DPP6: variants seen among roughly 807,000 people sequenced by gnomAD.
DPP6 encodes A-type potassium channel modulatory protein DPP6.
In DPP6, 69 loss-of-function variants were observed where a neutral mutation model predicts 122.6. That is an observed-to-expected ratio of 0.56 (90% CI 0.46 to 0.69). DPP6 has a LOEUF of 0.69. DPP6 is among the 30% of genes least tolerant of loss of function. DPP6 has a pLI of 0.00. For synonymous variants in DPP6, 418 were observed against 433.1 expected (o/e 0.97, Z 0.43); for missense variants, 928 against 1,116.9 (o/e 0.83, Z 2.41).
At chr7:154,054,911 C>CT (rs966067794) in intron 1 of DPP6, among the ~76,000 whole-genome samples, 4 of 151,016 alleles carry the variant, frequency 2.6e-5, no homozygotes, top group African/African-American at 9.8e-5. Flanking sequence ...TGATCTCCAT[C>CT]TTTTTTTAAA....
chr7:154,623,552 AC>A (rs1163187042), intron 5 of DPP6, among the ~76,000 whole-genome samples: 1 of 150,230 alleles, frequency 6.7e-6, no homozygotes, highest in Non-Finnish European at 1.5e-5. Flanking sequence ...ACACACACGC[AC>A]ACACGCAACA....
At chr7:154,436,270 T>C (rs1818854485) in intron 1 of DPP6, among the ~76,000 whole-genome samples, 1 of 151,272 alleles carries the variant, frequency 6.6e-6, no homozygotes, top group Non-Finnish European at 1.5e-5. Context: ...TAGCCACACA[T>C]GCACCAGGTT....
At position 154,313,694 on chromosome 7, in the gene DPP6, TATATATATATATATATATATACAC is replaced by T. The variant is rs1296319494; in HGVS notation, c.244-132518_244-132495del. 1.6e-4 allele frequency among the ~76,000 whole-genome samples: 4 copies of T among 24,662 alleles called. 2 individuals carry two copies. Among genetic ancestry groups the T allele is most frequent in the African/African-American group, 7.6e-4 (4 of 5,242 alleles). The allele number at this position is 24,662 out of a possible 152,430, so 16.2% of individuals were successfully genotyped here. On this transcript the variant is annotated intron_variant, in intron 1 of 25. Transcript: ENST00000377770. ...GATATTTTAAGATATGGTATATATA[TATATATATATATATATATATACAC>T]ACACACGCACGCACACACACACACA...
intron 1 of DPP6, among the ~76,000 whole-genome samples, chr7:154,303,728 G>A (rs928123383): frequency 6.6e-6 from 1 of 152,054 alleles, no homozygotes; most frequent in Non-Finnish European, 1.5e-5. Flanking sequence ...ACCCCTGGCC[G>A]AACCATGCAA....
chr7:154,566,899 T>C lies in DPP6; in HGVS notation c.610T>C (p.Ser204Pro). The C allele has an allele frequency of 6.2e-7, 1 of 1,608,282 alleles. No homozygotes were observed. Among genetic ancestry groups the C allele is most frequent in the Non-Finnish European group, 8.5e-7 (1 of 1,175,786 alleles). Residue 204 changes from serine (S) to proline (P), a missense_variant, in exon 5 of 26, where the codon TCA becomes CCA. Transcript: ENST00000377770. The part of the protein sequence containing the change: ...ISPDREYALF[S>P]YNVEPIYQHS... ...TCCAGATAGAGAGTATGCACTTTTT[T>C]CATACAATGTGGAACCCGTGAGTAT...
chr7:153,831,241 A>G, the DPP6 span, among the ~76,000 whole-genome samples: 7,987 of 152,250 alleles, frequency 0.052, 662 homozygotes, highest in African/African-American at 0.18. Flanking sequence ...AACAGTGGCA[A>G]ACAAACTCCC....
At chr7:154,752,598 G>T (rs1351665993) in intron 8 of DPP6, among the ~76,000 whole-genome samples, 3 of 152,168 alleles carry the variant, frequency 2.0e-5, no homozygotes, top group African/African-American at 7.2e-5. Context: ...TAGGTACTAA[G>T]GAGGCCTCAC....
chr7:154,440,246 C>A (rs1310946599), intron 1 of DPP6, among the ~76,000 whole-genome samples: 1 of 152,202 alleles, frequency 6.6e-6, no homozygotes, highest in African/African-American at 2.4e-5. Context: ...TCTGAAAGGG[C>A]TGCTCAGCTG....
rs1806215164 is a variant in DPP6 at position 154,305,209 on chromosome 7, T to A, written c.244-141005T>A. On this transcript the variant is annotated intron_variant, in intron 1 of 25. Transcript: ENST00000377770. ...CCGCCACTTGCCGGTTGCTAAGCAG[T>A]TATCATTGTTTCTGTGGCGATTGCA... 5 of 1,132,410 alleles carry A rather than the reference T, an allele frequency of 4.4e-6. No homozygotes were observed. In the African/African-American group the frequency reaches 6.4e-5, roughly 15 times the overall value. 70.1% of individuals were successfully genotyped at this position (1,132,410 alleles called of 1,614,324 possible).
chr7:154,398,654 C>T (rs953476046), intron 1 of DPP6, among the ~76,000 whole-genome samples: 5 of 151,884 alleles, frequency 3.3e-5, no homozygotes, highest in African/African-American at 9.7e-5. Flanking sequence ...TTTCATTTTG[C>T]AAAGTGAAAC....
intron 3 of DPP6, among the ~76,000 whole-genome samples, chr7:154,517,759 T>C (rs1270194012): frequency 6.6e-6 from 1 of 152,144 alleles, no homozygotes; most frequent in Non-Finnish European, 1.5e-5. Flanking sequence ...ACAGCGGTGT[T>C]GTGTCCGGAA....
intron 5 of DPP6, among the ~76,000 whole-genome samples, chr7:154,576,623 G>C: frequency 6.6e-6 from 1 of 152,080 alleles, no homozygotes. Flanking sequence ...TGGAGGAGTG[G>C]GCCAGTTTGA....
chr7:154,296,744 C>T (rs983271976), intron 1 of DPP6, among the ~76,000 whole-genome samples: 3 of 152,232 alleles, frequency 2.0e-5, no homozygotes, highest in Non-Finnish European at 4.4e-5. Flanking sequence ...CATTTGAGTA[C>T]TAACTGTAAG....
At chr7:154,492,009 A>G (rs1190538007) in intron 3 of DPP6, among the ~76,000 whole-genome samples, 2 of 152,214 alleles carry the variant, frequency 1.3e-5, no homozygotes, top group Non-Finnish European at 2.9e-5. Context: ...GCATCCAACA[A>G]TGTAAACAGG....
intron 6 of DPP6, among the ~76,000 whole-genome samples, chr7:154,642,455 T>A (rs1191804961): frequency 6.6e-6 from 1 of 151,834 alleles, no homozygotes; most frequent in African/African-American, 2.4e-5. Flanking sequence ...CTGGGCATGG[T>A]GGCGGGTACC....
chr7:153,875,486 A>T, the DPP6 span, among the ~76,000 whole-genome samples: 1 of 152,216 alleles, frequency 6.6e-6, no homozygotes, highest in Admixed American at 6.5e-5. Context: ...TTAGAAAAAA[A>T]TACCTATATA....
intron 1 of DPP6, among the ~76,000 whole-genome samples, chr7:154,205,797 T>G (rs950967950): frequency 6.5e-4 from 88 of 134,866 alleles, no homozygotes; most frequent in Non-Finnish European, 1.3e-3. Context: ...AATTAATTAA[T>G]TAACTAAAAA....
intron 1 of DPP6, among the ~76,000 whole-genome samples, chr7:154,142,542 C>A (rs896006516): frequency 6.6e-6 from 1 of 152,088 alleles, no homozygotes; most frequent in African/African-American, 2.4e-5. Flanking sequence ...CATTGCATCC[C>A]ATCTTTAAGA....
At chr7:153,956,931 C>G (rs768848075) in intron 1 of DPP6, among the ~76,000 whole-genome samples, 3 of 152,046 alleles carry the variant, frequency 2.0e-5, no homozygotes, top group African/African-American at 2.4e-5. Flanking sequence ...TAGCAAGGCT[C>G]TTAGGATTTT....
Sources: allele counts gnomAD v4.1 joint callset (sites outside exome capture counted in the v4.1 genomes callset), GRCh38; gene constraint gnomAD v4.1.1; transcripts MANE v1.5; gene names NCBI Gene and HGNC (gene_info 2026-07-23, HGNC 2026-07-21).